ABCG1: variants seen among roughly 807,000 people sequenced by gnomAD.
The protein encoded by ABCG1 is ATP-binding cassette sub-family G member 1.
In ABCG1, 29 loss-of-function variants were observed where a neutral mutation model predicts 69.2. That is an observed-to-expected ratio of 0.42 (90% CI 0.31 to 0.57). The LOEUF is 0.57. Among genes scored for constraint, ABCG1 ranks in the 20% least tolerant of loss-of-function variants. The pLI, the probability that ABCG1 is intolerant of heterozygous loss-of-function variation, is 0.15. For missense variants in ABCG1, 718 were observed against 898.1 expected, an observed-to-expected ratio of 0.80 and a Z score of 2.56; for synonymous variants, 370 against 374.8, an observed-to-expected ratio of 0.99 and a Z score of 0.15.
chr21:42,290,218 T>A lies in ABCG1; in HGVS notation c.1393T>A (p.Phe465Ile). 6.2e-7 allele frequency: 1 copy of A among 1,612,844 alleles called. No individual in the cohort carries two copies. Among genetic ancestry groups the A allele is most frequent in the Non-Finnish European group, 8.5e-7 (1 of 1,178,956 alleles). ...GGCCCTCATGCCTACTGTTCTGACA[T>A]GTGAGTGACAGACCGCTGACCCCTT... is the stretch of plus-strand genomic sequence containing the variant. ...FAALMPTVLT[F>I]PLEMGVFLRE... The change falls in exon 11 of 15, where the codon TTT becomes ATT. Residue 465 changes from phenylalanine to isoleucine, a missense_variant and splice_region_variant. Physicochemically the swap from Phe to Ile is conservative, Grantham distance 21. Coordinates refer to ENST00000398449, the MANE Select transcript of ABCG1 (RefSeq NM_016818.3).
At chr21:42,201,851 T>A (rs1344796803) in intron 2 of ABCG1, 1 of 1,554,620 alleles carries the variant, frequency 6.4e-7, no homozygotes, top group Non-Finnish European at 8.7e-7. Context: ...TGGGAGCTCC[T>A]GCGGTGTAGT....
chr21:42,263,739 T>A (rs975210334), intron 2 of ABCG1, among the ~76,000 whole-genome samples: 1 of 152,188 alleles, frequency 6.6e-6, no homozygotes. Context: ...AGTAGGTTGA[T>A]CCTGCCGTTA....
chr21:42,207,197 C>T (rs533721298), intron 2 of ABCG1, among the ~76,000 whole-genome samples: 2 of 152,268 alleles, frequency 1.3e-5, no homozygotes, highest in South Asian at 2.1e-4. Context: ...ACCCCTCAGC[C>T]CCACTTCTGG....
At chr21:42,227,447 C>T (rs2067835143) in intron 2 of ABCG1, among the ~76,000 whole-genome samples, 2 of 152,170 alleles carry the variant, frequency 1.3e-5, no homozygotes, top group East Asian at 1.9e-4. Context: ...CAACATAGAG[C>T]GATTCCTGTC....
At chr21:42,218,451 C>T (rs1047233037), upstream of ABCG1, among the ~76,000 whole-genome samples, 9 of 137,868 alleles carry the variant, frequency 6.5e-5, no homozygotes, top group Non-Finnish European at 1.2e-4. Flanking sequence ...GGAAACACCT[C>T]TGTCTGCAGA....
At chr21:42,267,700 T>G (rs1193017593) in intron 2 of ABCG1, among the ~76,000 whole-genome samples, 1 of 150,708 alleles carries the variant, frequency 6.6e-6, no homozygotes, top group African/African-American at 2.5e-5. Flanking sequence ...TCTGTCTGGG[T>G]CTGGTCTGAG....
intron 7 of ABCG1, among the ~76,000 whole-genome samples, chr21:42,285,400 G>T (rs902993929): frequency 1.3e-5 from 2 of 152,064 alleles, no homozygotes; most frequent in African/African-American, 4.8e-5. Flanking sequence ...CAGCTACTGG[G>T]GAGGCTGATG....
Position 42,237,285 on chromosome 21 carries a change from T to G in ABCG1, c.286+11371T>G, listed in dbSNP as rs4148115. Among the ~76,000 whole-genome samples, 62 of 152,358 alleles carry G rather than the reference T, an allele frequency of 4.1e-4. No individual in the cohort carries two copies. In the East Asian group the frequency reaches 0.012, roughly 29 times the overall value. On this transcript the variant is annotated intron_variant, in intron 2 of 14. Coordinates refer to ENST00000398449, the MANE Select transcript of ABCG1 (RefSeq NM_016818.3). ...CAGCAGGGCTCTCTTGGAGCCCTTTTTCTCTCCCAGCCCTGCGTCTCCGCA... is the reference window on the plus strand; with the variant it reads ...CAGCAGGGCTCTCTTGGAGCCCTTTGTCTCTCCCAGCCCTGCGTCTCCGCA...
At chr21:42,225,520 G>C in intron 1 of ABCG1, 151 bp from the exon 2 acceptor site, 1 of 934,198 alleles carries the variant, frequency 1.1e-6, no homozygotes, top group Non-Finnish European at 1.6e-6. Flanking sequence ...CTCTAGGTGG[G>C]CACATTTCTC....
At chr21:42,237,593 C>T (rs867226461) in intron 2 of ABCG1, among the ~76,000 whole-genome samples, 1 of 152,246 alleles carries the variant, frequency 6.6e-6, no homozygotes, top group Non-Finnish European at 1.5e-5. Flanking sequence ...CAGTGCCTGG[C>T]TCAGAGCTGG....
intron 2 of ABCG1, among the ~76,000 whole-genome samples, chr21:42,227,179 C>T (rs933077271): frequency 2.0e-5 from 3 of 152,154 alleles, no homozygotes; most frequent in African/African-American, 4.8e-5. Context: ...ACCTTCTCAA[C>T]AGACAACAGT....
At chr21:42,240,007 G>A (rs200260374) in intron 2 of ABCG1, among the ~76,000 whole-genome samples, 15 of 152,344 alleles carry the variant, frequency 9.8e-5, no homozygotes, top group East Asian at 9.6e-4. Context: ...GGAGCATGGT[G>A]TCATTTCATC....
intron 2 of ABCG1, among the ~76,000 whole-genome samples, chr21:42,259,678 A>G (rs1344968043): frequency 1.3e-5 from 2 of 152,250 alleles, no homozygotes; most frequent in Non-Finnish European, 2.9e-5. Flanking sequence ...ACCAGTGGGC[A>G]TTCGCACGTG....
rs945659232 is a variant in ABCG1, at chr21:42,219,397, C to A, written c.42+93C>A. 7 of 1,507,858 alleles carry A rather than the reference C, an allele frequency of 4.6e-6. No homozygotes were observed. In the African/African-American group the frequency reaches 7.1e-5, roughly 15 times the overall value. The allele number at this position is 1,507,858 out of a possible 1,614,324, so 93.4% of individuals were successfully genotyped here. Reference sequence around the variant, plus strand: ...GACTCGCAAGCTCGACCTGACACCCCTCCCAGGAGCGCGTCCTCTGGGCGC... The same window carrying A: ...GACTCGCAAGCTCGACCTGACACCCATCCCAGGAGCGCGTCCTCTGGGCGC... On this transcript the variant is annotated intron_variant, in intron 1 of 14. Transcript: ENST00000398449. The surrounding 1 kb of genome is among the most constrained non-coding windows in gnomAD (Gnocchi z 5.3).
chr21:42,282,925 C>A (rs969237459), intron 6 of ABCG1, among the ~76,000 whole-genome samples: 2 of 152,188 alleles, frequency 1.3e-5, no homozygotes. Flanking sequence ...CACCAGCTCT[C>A]TATACCCACG....
In ABCG1 at chr21:42,276,883, T is replaced by G. The variant is rs1342038658; in HGVS notation, c.538-12T>G. ...TGTTCTGCTTCCACACTGTTGTCCT[T>G]GTCCCCTGCAGGTGTCGGCACATCT... On this transcript the variant is annotated splice_polypyrimidine_tract_variant and intron_variant, in intron 4 of 14. Transcript: ENST00000398449. This position sits in a 1 kb window ranked among gnomAD's most constrained non-coding sequence, Gnocchi z 5.3. The G allele has an allele frequency of 6.2e-7, 1 of 1,614,100 alleles. No individual in the cohort carries two copies. Among genetic ancestry groups the G allele is most frequent in the Non-Finnish European group, 8.5e-7 (1 of 1,179,972 alleles).
At chr21:42,248,426 G>A (rs1219234717) in intron 2 of ABCG1, among the ~76,000 whole-genome samples, 1 of 152,158 alleles carries the variant, frequency 6.6e-6, no homozygotes, top group Non-Finnish European at 1.5e-5. Context: ...CACCCGTGGG[G>A]GGTGCAGGGC....
At chr21:42,285,134 G>A (rs1322083164) in intron 7 of ABCG1, among the ~76,000 whole-genome samples, 1 of 152,164 alleles carries the variant, frequency 6.6e-6, no homozygotes, top group Non-Finnish European at 1.5e-5. Flanking sequence ...AAAATGGGGG[G>A]AGGGGGGACA....
chr21:42,249,401 G>A (rs1000956184), intron 2 of ABCG1, among the ~76,000 whole-genome samples: 4 of 152,182 alleles, frequency 2.6e-5, no homozygotes, highest in Admixed American at 2.6e-4. Context: ...CTCAGTTTAA[G>A]TTCTGTTTCT....
Sources: allele counts gnomAD v4.1 joint callset (sites outside exome capture counted in the v4.1 genomes callset), GRCh38; gene constraint gnomAD v4.1.1; non-coding constraint Gnocchi (gnomAD v3.1); transcripts MANE v1.5; gene names NCBI Gene and HGNC (gene_info 2026-07-23, HGNC 2026-07-21).